The following GRXCR2 variants were observed in gnomAD, a reference collection of about 807,000 sequenced individuals.
GRXCR2 encodes the protein glutaredoxin and cysteine rich domain containing 2.
Under a neutral mutation model 24.8 loss-of-function variants are expected in GRXCR2, and 23 were observed. That is an observed-to-expected ratio of 0.93 (90% CI 0.67 to 1.32). The LOEUF (loss-of-function observed/expected upper bound fraction) is 1.32. GRXCR2 is among the 40% of genes most tolerant of loss of function. The probability of loss-of-function intolerance (pLI) is 0.00; values close to 1 mark genes in which losing one functional copy is unlikely to be tolerated. For synonymous variants in GRXCR2, 130 were observed against 116.1 expected (o/e 1.12, Z -0.77); for missense variants, 315 against 303.4 (o/e 1.04, Z -0.28).
chr5:145,922,540 C>G (rs1223694668), intron 2 of GRXCR2, among the ~76,000 whole-genome samples: 1 of 152,176 alleles, frequency 6.6e-6, no homozygotes, highest in Non-Finnish European at 1.5e-5. Context: ...CAATGCCAGG[C>G]ACATAGTAAG....
At chr5:145,868,045 G>A (rs1423604951) in intron 1 of GRXCR2, among the ~76,000 whole-genome samples, 3 of 152,210 alleles carry the variant, frequency 2.0e-5, no homozygotes, top group African/African-American at 7.2e-5. Flanking sequence ...CAATGTTCCT[G>A]TGGTTAAATA....
At chr5:145,885,187 A>T (rs1003210100) in intron 2 of GRXCR2, among the ~76,000 whole-genome samples, 4 of 151,932 alleles carry the variant, frequency 2.6e-5, no homozygotes, top group African/African-American at 9.7e-5. Context: ...AAATACTGCT[A>T]CGGCAGAAGG....
chr5:145,886,227 T>A (rs747280495), intron 2 of GRXCR2, among the ~76,000 whole-genome samples: 1 of 152,178 alleles, frequency 6.6e-6, no homozygotes, highest in Non-Finnish European at 1.5e-5. Flanking sequence ...TCAAGGGATA[T>A]CCCATAGTTT....
intron 2 of GRXCR2, among the ~76,000 whole-genome samples, chr5:145,885,295 T>G (rs1234451878): frequency 6.6e-6 from 1 of 152,194 alleles, no homozygotes. Context: ...CTGCCTCTAT[T>G]CCACCACCAC....
intron 2 of GRXCR2, among the ~76,000 whole-genome samples, chr5:145,886,317 C>T (rs1258450226): frequency 6.6e-6 from 1 of 152,156 alleles, no homozygotes; most frequent in African/African-American, 2.4e-5. Flanking sequence ...TTTGAAATGC[C>T]TTTTCCTCAC....
At chr5:145,878,564 C>T (rs981051218) in intron 2 of GRXCR2, among the ~76,000 whole-genome samples, 1 of 151,892 alleles carries the variant, frequency 6.6e-6, no homozygotes, top group Admixed American at 6.6e-5. Context: ...ACCAAATCGA[C>T]ATTTGATAGG....
In GRXCR2 at chr5:145,859,896, T is replaced by C. The variant is rs1236882122; in HGVS notation, c.584A>G (p.Asp195Gly). Residue 195 changes from aspartate (D) to glycine (G), a missense_variant, in exon 3 of 3, where the codon GAC becomes GGC. Asp to Gly is a moderately conservative substitution (Grantham distance 94). Transcript: ENST00000377976. The part of the protein sequence containing the change: ...RYTQEGDIPE[D>G]SCFHCRGSGS... ...CGACCCTCGGCAGTGAAAACAGCTG[T>C]CCTCGGGAATATCCCCTTCCTGCAA... 6.3e-7 allele frequency: 1 copy of C among 1,587,628 alleles called. No homozygotes were observed. The highest frequency in any genetic ancestry group is 1.1e-5 in the South Asian group (1 of 87,144).
intron 2 of GRXCR2, among the ~76,000 whole-genome samples, chr5:145,928,946 C>T (rs190074907): frequency 1.6e-3 from 242 of 151,706 alleles, no homozygotes; most frequent in African/African-American, 5.1e-3. Context: ...CATTATAGAA[C>T]AATTACAAAC....
intron 2 of GRXCR2, among the ~76,000 whole-genome samples, chr5:145,866,023 C>G (rs1484777502): frequency 6.6e-6 from 1 of 151,510 alleles, no homozygotes; most frequent in South Asian, 2.1e-4. Context: ...GAAATCCCAG[C>G]TACTCAGGAG....
At chr5:145,925,848 A>T (rs1220899833) in intron 2 of GRXCR2, among the ~76,000 whole-genome samples, 16 of 152,102 alleles carry the variant, frequency 1.1e-4, no homozygotes, top group Admixed American at 1.0e-3. Context: ...AGGGAAAAAA[A>T]TTTGTTTCTC....
intron 2 of GRXCR2, among the ~76,000 whole-genome samples, chr5:145,892,354 G>A (rs554976611): frequency 1.3e-4 from 20 of 152,166 alleles, no homozygotes; most frequent in African/African-American, 3.1e-4. Context: ...AAGGAAGTTC[G>A]AACCCATGGC....
At chr5:145,928,514 A>G (rs1290542778) in intron 2 of GRXCR2, among the ~76,000 whole-genome samples, 1 of 152,140 alleles carries the variant, frequency 6.6e-6, no homozygotes, top group Non-Finnish European at 1.5e-5. Flanking sequence ...AAATGTCCAA[A>G]AATGATAGAC....
chr5:145,917,552 T>C (rs977212291), intron 2 of GRXCR2, among the ~76,000 whole-genome samples: 16 of 152,082 alleles, frequency 1.1e-4, no homozygotes, highest in African/African-American at 3.9e-4. Context: ...GAGAAGAGAA[T>C]GCAGACCTTC....
At chr5:145,862,974 T>C (rs1756366181) in intron 2 of GRXCR2, among the ~76,000 whole-genome samples, 1 of 152,196 alleles carries the variant, frequency 6.6e-6, no homozygotes, top group South Asian at 2.1e-4. Flanking sequence ...GATGAGATGA[T>C]TATTGCTATT....
chr5:145,866,867 G>A, intron 1 of GRXCR2, 139 bp from the exon 2 acceptor site: 1 of 626,548 alleles, frequency 1.6e-6, no homozygotes, highest in Non-Finnish European at 2.8e-6. Flanking sequence ...AGACCCCAAA[G>A]TCACAGTTCA....
At chr5:145,930,918 G>A (rs1407384072) in intron 2 of GRXCR2, among the ~76,000 whole-genome samples, 1 of 152,242 alleles carries the variant, frequency 6.6e-6, no homozygotes, top group Non-Finnish European at 1.5e-5. Flanking sequence ...AGGAATCCAA[G>A]GAACAGAGGA....
chr5:145,859,346 A>G lies in GRXCR2; in HGVS notation c.*387T>C. 5.3e-6 allele frequency: 1 copy of G among 188,228 alleles called. No individual in the cohort carries two copies. Among genetic ancestry groups the G allele is most frequent in the Non-Finnish European group, 1.1e-5 (1 of 90,162 alleles). The allele number at this position is 188,228 out of a possible 1,614,324, so 11.7% of individuals were successfully genotyped here. A position where few individuals can be genotyped will look rare whatever the true frequency, so the allele number is the denominator to read the frequency against. On this transcript the variant is annotated 3_prime_UTR_variant, in exon 3 of 3. Coordinates refer to ENST00000377976, the MANE Select transcript of GRXCR2 (RefSeq NM_001080516.2). ...GCAACAAGAAATCAGTTCATCAGAAACCTGCCTTTTTTACTCCTTTCTCAC... is the reference window on the plus strand; with the variant it reads ...GCAACAAGAAATCAGTTCATCAGAAGCCTGCCTTTTTTACTCCTTTCTCAC...
In GRXCR2 at chr5:145,872,866, C is replaced by T. The variant is rs1052755436; in HGVS notation, c.103G>A (p.Val35Ile). 1 of 1,614,030 alleles carries T rather than the reference C, an allele frequency of 6.2e-7. No individual in the cohort carries two copies. The highest frequency in any genetic ancestry group is 8.5e-7 in the Non-Finnish European group (1 of 1,180,028). The change falls in exon 1 of 3, where the codon GTC (valine) becomes ATC (isoleucine). Residue 35 changes from valine to isoleucine, a missense_variant. Physicochemically the swap from Val to Ile is conservative, Grantham distance 29. Transcript: ENST00000377976. ...TCTAATTCCTGCCCATCCTCAAAGACCTGCTTCAATACTCGACCGCTGTAG... is the reference window on the plus strand; with the variant it reads ...TCTAATTCCTGCCCATCCTCAAAGATCTGCTTCAATACTCGACCGCTGTAG... ...SSYSGRVLKQVFEDGQELESP... is the reference protein window; with the variant it reads ...SSYSGRVLKQIFEDGQELESP...
chr5:145,866,134 C>CAAAAAAAA (rs71581841), intron 2 of GRXCR2, among the ~76,000 whole-genome samples: 4 of 85,824 alleles, frequency 4.7e-5, no homozygotes, highest in African/African-American at 6.8e-5. Flanking sequence ...AACTCCTTCT[C>CAAAAAAAA]AAAAAAAAAA....
Sources: gnomAD v4.1 joint callset for allele counts (sites outside exome capture counted in the v4.1 genomes callset) on GRCh38, gnomAD v4.1.1 for gene constraint, MANE v1.5 for transcripts, NCBI Gene and HGNC (gene_info 2026-07-23, HGNC 2026-07-21) for gene names.